CHLSN: variants seen among roughly 807,000 people sequenced by gnomAD.
CHLSN encodes protein cholesin.
the CHLSN span, among the ~76,000 whole-genome samples, chr7:1,041,198 T>C: frequency 3.3e-5 from 5 of 151,790 alleles, no homozygotes; most frequent in African/African-American, 9.7e-5. Flanking sequence ...GGACTTGGGC[T>C]CCGCACTGCA....
At chr7:1,073,284 G>C in the CHLSN span, among the ~76,000 whole-genome samples, 1 of 152,114 alleles carries the variant, frequency 6.6e-6, no homozygotes, top group Non-Finnish European at 1.5e-5. Flanking sequence ...GAAGGGAAGG[G>C]CAGAGAGCTT....
chr7:1,099,258 C>T, the CHLSN span, among the ~76,000 whole-genome samples: 2 of 152,238 alleles, frequency 1.3e-5, no homozygotes, highest in Admixed American at 1.3e-4. Flanking sequence ...CTGCAGCGGC[C>T]TCCCCTTCCG....
At chr7:1,035,527 A>C in the CHLSN span, among the ~76,000 whole-genome samples, 3 of 152,250 alleles carry the variant, frequency 2.0e-5, no homozygotes, top group African/African-American at 7.2e-5. Flanking sequence ...GATGGCAAAT[A>C]AGCATGGGGC....
the CHLSN span, among the ~76,000 whole-genome samples, chr7:1,075,606 CA>C: frequency 8.1e-6 from 1 of 123,786 alleles, no homozygotes; most frequent in African/African-American, 3.0e-5. Context: ...CAAATCGGGT[CA>C]CTTTTTTTTT....
the CHLSN span, among the ~76,000 whole-genome samples, chr7:1,051,641 G>C: frequency 6.6e-6 from 1 of 152,252 alleles, no homozygotes; most frequent in Non-Finnish European, 1.5e-5. Flanking sequence ...AGGACGGGCA[G>C]TAGGTGCAAG....
the CHLSN span, among the ~76,000 whole-genome samples, chr7:992,044 G>A: frequency 4.6e-5 from 7 of 152,192 alleles, no homozygotes; most frequent in East Asian, 1.9e-4. Context: ...GATTTCGGGA[G>A]ATGCCTCTGT....
At chr7:1,039,167 GC>G in the CHLSN span, among the ~76,000 whole-genome samples, 2 of 28,806 alleles carry the variant, frequency 6.9e-5, no homozygotes, top group African/African-American at 5.9e-4. Context: ...CCGGCCAGCC[GC>G]CCCGTCCGGG....
chr7:1,025,376 G>C, the CHLSN span: 1 of 152,458 alleles, frequency 6.6e-6, no homozygotes, highest in Non-Finnish European at 1.5e-5. Context: ...AAACTCACTG[G>C]GGTGTGGGTG....
At chr7:1,016,405 G>A in the CHLSN span, among the ~76,000 whole-genome samples, 1 of 95,620 alleles carries the variant, frequency 1.0e-5, no homozygotes. Flanking sequence ...GCACACAGCA[G>A]CACACAGCAG....
chr7:1,028,158 C>G, the CHLSN span: 7 of 852,822 alleles, frequency 8.2e-6, no homozygotes, highest in African/African-American at 1.8e-5. Context: ...CACGGCCTCC[C>G]ACGGGAGCGC....
the CHLSN span, among the ~76,000 whole-genome samples, chr7:1,009,013 A>ATG: frequency 9.0e-6 from 1 of 110,860 alleles, no homozygotes. Context: ...ACACACACAC[A>ATG]CATACACATG....
the CHLSN span, chr7:987,057 G>A: frequency 1.4e-6 from 2 of 1,449,016 alleles, no homozygotes; most frequent in Non-Finnish European, 1.8e-6. Context: ...TCTGTGGGGT[G>A]GGGGACAGAC....
chr7:1,057,810 G>A, the CHLSN span: 9 of 776,214 alleles, frequency 1.2e-5, no homozygotes, highest in South Asian at 2.7e-5. Flanking sequence ...GAGTGTGGGC[G>A]GCGAAGTCCA....
the CHLSN span, among the ~76,000 whole-genome samples, chr7:1,042,386 GC>G: frequency 2.0e-5 from 3 of 152,186 alleles, no homozygotes; most frequent in African/African-American, 4.8e-5. Flanking sequence ...AGGGCCACAC[GC>G]CCCCCTACGC....
At chr7:1,080,565 C>G in the CHLSN span, among the ~76,000 whole-genome samples, 1 of 152,356 alleles carries the variant, frequency 6.6e-6, no homozygotes, top group Admixed American at 6.5e-5. Context: ...GCAGAGGAGT[C>G]TGGAACAGGA....
At chr7:1,054,406 C>A in the CHLSN span, among the ~76,000 whole-genome samples, 1 of 152,242 alleles carries the variant, frequency 6.6e-6, no homozygotes, top group African/African-American at 2.4e-5. Flanking sequence ...CAAAAATGCA[C>A]ACAGGAGAAC....
At chr7:1,013,490 G>A in the CHLSN span, among the ~76,000 whole-genome samples, 1 of 152,208 alleles carries the variant, frequency 6.6e-6, no homozygotes, top group Non-Finnish European at 1.5e-5. Context: ...GCTCCTGCCG[G>A]CTCCAGGATT....
the CHLSN span, among the ~76,000 whole-genome samples, chr7:1,016,526 CACCAGCACAA>C: frequency 2.0e-5 from 3 of 148,326 alleles, no homozygotes; most frequent in East Asian, 4.0e-4. Flanking sequence ...CAGCAGCACA[CACCAGCACAA>C]AGCAGCGCAC....
At chr7:1,073,396 C>T in the CHLSN span, among the ~76,000 whole-genome samples, 1 of 152,138 alleles carries the variant, frequency 6.6e-6, no homozygotes, top group South Asian at 2.1e-4. Flanking sequence ...GCTCCTCCGG[C>T]GCCCCAGCTG....
Sources: gnomAD v4.1 joint callset for allele counts (sites outside exome capture counted in the v4.1 genomes callset) on GRCh38, gnomAD v4.1.1 for gene constraint, MANE v1.5 for transcripts, NCBI Gene and HGNC (gene_info 2026-07-23, HGNC 2026-07-21) for gene names.